The following ACSF3 variants were observed in gnomAD, a reference collection of about 807,000 sequenced individuals.
ACSF3 encodes malonate--CoA ligase ACSF3, mitochondrial.
A neutral mutation model predicts 53.2 loss-of-function variants in ACSF3; 78 were observed. That is an observed-to-expected ratio of 1.47 (90% CI 1.22 to 1.77). The LOEUF is 1.77. Ranked by LOEUF, ACSF3 falls within the 40% of genes most tolerant of loss-of-function variation. The probability of loss-of-function intolerance (pLI) is 0.00; values close to 1 mark genes in which losing one functional copy is unlikely to be tolerated. For missense variants in ACSF3, 937 were observed against 771.1 expected (o/e 1.22, Z -2.55); for synonymous variants, 414 against 333.1 (o/e 1.24, Z -2.65).
chr16:89,146,773 T>C lies in ACSF3; in HGVS notation c.1613+724T>C, dbSNP rs186167769. The stretch of plus-strand genomic sequence containing the variant: ...CTTTCCCCAAGGACTTTCTCCCACC[T>C]GTCTCACCCCCAGTGGTTTCTGATG... On this transcript the variant is annotated intron_variant, in intron 10 of 10. Coordinates refer to ENST00000614302, the MANE Select transcript of ACSF3 (RefSeq NM_001243279.3). Among the ~76,000 whole-genome samples, 24 of 152,316 alleles carry C rather than the reference T, an allele frequency of 1.6e-4. No homozygotes were observed. In the East Asian group the frequency reaches 4.4e-3, roughly 28 times the overall value.
At chr16:89,147,109 C>T (rs1470899917) in intron 10 of ACSF3, among the ~76,000 whole-genome samples, 7 of 149,492 alleles carry the variant, frequency 4.7e-5, no homozygotes, top group African/African-American at 1.7e-4. Context: ...CAGGCACATC[C>T]TACATGGCCG....
intron 8 of ACSF3, among the ~76,000 whole-genome samples, chr16:89,133,736 G>T (rs1203007942): frequency 6.6e-6 from 1 of 152,260 alleles, no homozygotes; most frequent in Non-Finnish European, 1.5e-5. Context: ...TCAGAAGTCA[G>T]CTGACGCAGT....
At chr16:89,100,166 C>T (rs1975102013) in intron 2 of ACSF3, among the ~76,000 whole-genome samples, 1 of 152,180 alleles carries the variant, frequency 6.6e-6, no homozygotes, top group Admixed American at 6.5e-5. Flanking sequence ...GGCACCTCAC[C>T]ACATTTCCAC....
intron 4 of ACSF3, among the ~76,000 whole-genome samples, chr16:89,106,033 G>A (rs188681393): frequency 5.3e-5 from 8 of 152,206 alleles, no homozygotes; most frequent in Non-Finnish European, 1.0e-4. Context: ...CTGCTGCGGC[G>A]TCTCTGCCCA....
At chr16:89,106,679 A>G (rs1192644544) in intron 4 of ACSF3, among the ~76,000 whole-genome samples, 1 of 152,202 alleles carries the variant, frequency 6.6e-6, no homozygotes, top group African/African-American at 2.4e-5. Context: ...GGGTTTTCCA[A>G]CTTTAGGAAT....
At chr16:89,147,169 G>C (rs943744580) in intron 10 of ACSF3, among the ~76,000 whole-genome samples, 3 of 129,420 alleles carry the variant, frequency 2.3e-5, no homozygotes, top group Non-Finnish European at 5.0e-5. Flanking sequence ...GGAGGAGGGA[G>C]GGTCCACAGA....
intron 1 of ACSF3, among the ~76,000 whole-genome samples, chr16:89,096,733 C>A (rs539407490): frequency 6.6e-6 from 1 of 152,216 alleles, no homozygotes; most frequent in Non-Finnish European, 1.5e-5. Flanking sequence ...GGACTCCCCC[C>A]TTCCCTCGGC....
At chr16:89,118,561 A>AAG (rs34894187) in intron 6 of ACSF3, among the ~76,000 whole-genome samples, 2 of 151,682 alleles carry the variant, frequency 1.3e-5, no homozygotes, top group Admixed American at 6.6e-5. Flanking sequence ...CCGTGCTCGG[A>AAG]AGAGAGAGAA....
At chr16:89,145,636 C>G (rs1006683914) in intron 9 of ACSF3, among the ~76,000 whole-genome samples, 2 of 152,178 alleles carry the variant, frequency 1.3e-5, no homozygotes, top group Non-Finnish European at 2.9e-5. Context: ...CCTGGCCGGG[C>G]GCAGCTCCCA....
At chr16:89,109,543 C>T (rs1976441695) in intron 4 of ACSF3, among the ~76,000 whole-genome samples, 1 of 150,030 alleles carries the variant, frequency 6.7e-6, no homozygotes, top group Non-Finnish European at 1.5e-5. Context: ...ATCTCAGCAG[C>T]TGGGATTACA....
chr16:89,099,403 T>G (rs1278186763), intron 2 of ACSF3, among the ~76,000 whole-genome samples: 1 of 152,212 alleles, frequency 6.6e-6, no homozygotes, highest in Non-Finnish European at 1.5e-5. Flanking sequence ...TATTTGTTAT[T>G]TAGTAGTTAA....
intron 7 of ACSF3, among the ~76,000 whole-genome samples, chr16:89,125,036 A>G (rs1465426732): frequency 6.6e-6 from 1 of 152,196 alleles, no homozygotes; most frequent in Non-Finnish European, 1.5e-5. Context: ...TTTGGTGCAC[A>G]TATTAATTTT....
At chr16:89,112,606 CTCTGTCTCTCTCCATCGCTCTTCA>C (rs1363174098) in intron 5 of ACSF3, among the ~76,000 whole-genome samples, 4 of 152,156 alleles carry the variant, frequency 2.6e-5, no homozygotes. Flanking sequence ...TCTGTCTTCT[CTCTGTCTCTCTCCATCGCTCTTCA>C]TCTGTCTCTC....
At chr16:89,141,482 G>C (rs1468125001) in intron 8 of ACSF3, among the ~76,000 whole-genome samples, 2 of 152,236 alleles carry the variant, frequency 1.3e-5, no homozygotes, top group Non-Finnish European at 2.9e-5. Context: ...GGTGGAGCAG[G>C]GGTACTGGGG....
rs569430222 is a variant in ACSF3, at chr16:89,103,960, C to T, written c.822+1201C>T. Among the ~76,000 whole-genome samples the T allele has an allele frequency of 1.1e-3, 168 of 152,330 alleles. 2 individuals carry two copies. Among genetic ancestry groups the T allele is most frequent in the African/African-American group, 3.7e-3 (153 of 41,572 alleles). Reference sequence around the variant, plus strand: ...GCTTTGGAGGGAAAGGACCTGGGCTCGAGGCGGGACCCTGTGCACAGCATC... The same window carrying T: ...GCTTTGGAGGGAAAGGACCTGGGCTTGAGGCGGGACCCTGTGCACAGCATC... On this transcript the variant is annotated intron_variant, in intron 4 of 10. Coordinates refer to ENST00000614302, the MANE Select transcript of ACSF3 (RefSeq NM_001243279.3).
At chr16:89,118,128 C>T (rs1263726648) in intron 6 of ACSF3, among the ~76,000 whole-genome samples, 2 of 146,528 alleles carry the variant, frequency 1.4e-5, no homozygotes, top group African/African-American at 2.5e-5. Flanking sequence ...TTCCCTCGGG[C>T]GCCGGGGACG....
intron 6 of ACSF3, among the ~76,000 whole-genome samples, chr16:89,118,231 C>A (rs1199072677): frequency 6.6e-6 from 1 of 151,496 alleles, no homozygotes; most frequent in Non-Finnish European, 1.5e-5. Context: ...GGCAGTTTCC[C>A]TGGGGCGCCG....
At chr16:89,104,217 CT>C (rs1332765327) in intron 4 of ACSF3, among the ~76,000 whole-genome samples, 3 of 152,222 alleles carry the variant, frequency 2.0e-5, no homozygotes, top group African/African-American at 7.2e-5. Context: ...ATGAATATGC[CT>C]TTTATTCACA....
chr16:89,101,787 T>C (rs1406316465), intron 3 of ACSF3, among the ~76,000 whole-genome samples: 2 of 152,326 alleles, frequency 1.3e-5, no homozygotes, highest in Non-Finnish European at 2.9e-5. Flanking sequence ...TTACCTGGCA[T>C]TTGTACAGTG....
Sources: gnomAD v4.1 joint callset for allele counts (sites outside exome capture counted in the v4.1 genomes callset) on GRCh38, gnomAD v4.1.1 for gene constraint, MANE v1.5 for transcripts, NCBI Gene and HGNC (gene_info 2026-07-23, HGNC 2026-07-21) for gene names.